The following PREX2 variants were observed in gnomAD, a reference collection of about 807,000 sequenced individuals.
PREX2 encodes phosphatidylinositol 3,4,5-trisphosphate-dependent Rac exchanger 2 protein.
PREX2 carries 107 observed loss-of-function variants against 203.2 expected under a neutral mutation model. That is an observed-to-expected ratio of 0.53 (90% CI 0.45 to 0.62). The LOEUF (loss-of-function observed/expected upper bound fraction) is 0.62, where lower values mean the gene tolerates loss of function less well. Ranked by LOEUF, PREX2 falls within the 20% of genes least tolerant of loss-of-function variation. PREX2 has a pLI of 0.00. For synonymous variants in PREX2, 672 were observed against 663.6 expected (o/e 1.01, Z -0.19); for missense variants, 1,777 against 1,955.9 (o/e 0.91, Z 1.72).
At chr8:68,211,101 T>C (rs1012821657) in intron 37 of PREX2, among the ~76,000 whole-genome samples, 1 of 152,184 alleles carries the variant, frequency 6.6e-6, no homozygotes, top group Non-Finnish European at 1.5e-5. Context: ...ATGCTTTTCC[T>C]GACCTTCCTT....
rs138880880 is a variant in PREX2, at chr8:68,171,826, G to A, written c.4346+14390G>A. 5.9e-5 allele frequency among the ~76,000 whole-genome samples: 9 copies of A among 152,338 alleles called. No individual in the cohort carries two copies. In the East Asian group the frequency reaches 1.7e-3, roughly 29 times the overall value. ...AGAGCAAGAACAAGAGAGAGAGAAAGAGAGAGGGAGAAAGAGAATATTAAT... is the reference window on the plus strand; with the variant it reads ...AGAGCAAGAACAAGAGAGAGAGAAAAAGAGAGGGAGAAAGAGAATATTAAT... On this transcript the variant is annotated intron_variant, in intron 35 of 39. Transcript: ENST00000288368.
At chr8:68,021,335 C>T (rs920982664) in intron 3 of PREX2, among the ~76,000 whole-genome samples, 2 of 152,188 alleles carry the variant, frequency 1.3e-5, no homozygotes, top group African/African-American at 4.8e-5. Context: ...CAGTCCTTTA[C>T]AACATAACGC....
At position 68,169,514 on chromosome 8, in the gene PREX2, A is replaced by G. The variant is rs541605057; in HGVS notation, c.4346+12078A>G. Among the ~76,000 whole-genome samples the G allele has an allele frequency of 9.9e-5, 15 of 152,218 alleles. No individual in the cohort carries two copies. The East Asian group carries it at 2.3e-3, about 24-fold the overall frequency. On this transcript the variant is annotated intron_variant, in intron 35 of 39. Coordinates refer to ENST00000288368, the MANE Select transcript of PREX2 (RefSeq NM_024870.4). The stretch of plus-strand genomic sequence containing the variant: ...TACTTAAAAGAAAAAGATAACCACA[A>G]TACCTACCAAATTTTAAGAACATAT...
At chr8:68,225,554 T>TA (rs1329667330) in intron 39 of PREX2, among the ~76,000 whole-genome samples, 1 of 152,226 alleles carries the variant, frequency 6.6e-6, no homozygotes, top group Non-Finnish European at 1.5e-5. Context: ...ACAGAGCAGT[T>TA]ACCAGAGTGG....
intron 37 of PREX2, among the ~76,000 whole-genome samples, chr8:68,199,510 C>A (rs564451005): frequency 6.6e-6 from 1 of 152,204 alleles, no homozygotes; most frequent in Non-Finnish European, 1.5e-5. Context: ...TGTCTTCTAA[C>A]TAGAACACAG....
rs889616489 is a variant in PREX2, at chr8:68,236,728, T to G, written c.*5350T>G. On this transcript the variant is annotated 3_prime_UTR_variant, in exon 40 of 40. Coordinates refer to ENST00000288368, the MANE Select transcript of PREX2 (RefSeq NM_024870.4). ...TTTACATAGTATTCATTATTTTAAA[T>G]GACAAAATATCAAATTGGTTCTATA... 5 of 152,178 alleles carry G rather than the reference T, an allele frequency of 3.3e-5. No homozygotes were observed. Among genetic ancestry groups the G allele is most frequent in the African/African-American group, 1.2e-4 (5 of 41,476 alleles). 9.4% of individuals were successfully genotyped at this position (152,178 alleles called of 1,614,324 possible).
chr8:68,132,111 A>T (rs1207082333), intron 31 of PREX2, among the ~76,000 whole-genome samples: 1 of 152,188 alleles, frequency 6.6e-6, no homozygotes, highest in East Asian at 1.9e-4. Flanking sequence ...TTAAATCCAG[A>T]TATTTCAAGA....
At chr8:67,975,263 A>G (rs1414413562) in intron 1 of PREX2, among the ~76,000 whole-genome samples, 1 of 135,048 alleles carries the variant, frequency 7.4e-6, no homozygotes, top group Non-Finnish European at 1.6e-5. Context: ...TGTTACCTGC[A>G]CACGGCCTGT....
intron 6 of PREX2, among the ~76,000 whole-genome samples, chr8:68,037,757 C>A (rs1031288843): frequency 6.6e-6 from 1 of 152,112 alleles, no homozygotes; most frequent in Non-Finnish European, 1.5e-5. Flanking sequence ...TAGACAATTT[C>A]ATGTACTTTG....
rs1196832669 is a variant in PREX2 at position 68,097,070 on chromosome 8, G to A, written c.2422G>A (p.Val808Met). 1.2e-6 allele frequency: 2 copies of A among 1,613,990 alleles called. No homozygotes were observed. The highest frequency in any genetic ancestry group is 2.2e-5 in the South Asian group (2 of 91,072). ...CATCATTGATGGGAAGAAGGAGCAT[G>A]TGAGTCTGACAGTGGACAATGTCCA... is the stretch of plus-strand genomic sequence containing the variant. Reference protein sequence around the residue: ...MAIIDGKKEHVSLTVDNVHLE... With the variant: ...MAIIDGKKEHMSLTVDNVHLE... Residue 808 changes from valine to methionine, a missense_variant, in exon 22 of 40, where the codon GTG becomes ATG. By Grantham distance (21) the Val-to-Met change is conservative. Coordinates refer to ENST00000288368, the MANE Select transcript of PREX2 (RefSeq NM_024870.4).
At chr8:68,105,327 C>T (rs1342008985) in intron 23 of PREX2, 1 of 1,367,538 alleles carries the variant, frequency 7.3e-7, no homozygotes, top group Admixed American at 1.9e-5. Flanking sequence ...CCTTCCTTCT[C>T]AAGAAATGCT....
intron 1 of PREX2, among the ~76,000 whole-genome samples, chr8:67,970,571 T>G (rs1805899374): frequency 6.6e-6 from 1 of 152,200 alleles, no homozygotes. Flanking sequence ...GCTGCTAGTT[T>G]GGGAAAATAT....
At chr8:67,999,105 A>C (rs973357164) in intron 1 of PREX2, among the ~76,000 whole-genome samples, 1 of 152,148 alleles carries the variant, frequency 6.6e-6, no homozygotes, top group Non-Finnish European at 1.5e-5. Context: ...TATTCACTTA[A>C]GATGCATGGA....
intron 39 of PREX2, among the ~76,000 whole-genome samples, chr8:68,228,383 G>A (rs1257632981): frequency 6.6e-6 from 1 of 152,114 alleles, no homozygotes; most frequent in Non-Finnish European, 1.5e-5. Context: ...TGCACTTTGG[G>A]AGGCTGAGGT....
At chr8:67,977,473 T>A (rs1164913277) in intron 1 of PREX2, among the ~76,000 whole-genome samples, 1 of 152,204 alleles carries the variant, frequency 6.6e-6, no homozygotes, top group African/African-American at 2.4e-5. Flanking sequence ...TTGTGATTTT[T>A]TTTCTTATAA....
intron 38 of PREX2, among the ~76,000 whole-genome samples, chr8:68,218,502 C>T (rs1255336194): frequency 6.6e-6 from 1 of 152,176 alleles, no homozygotes; most frequent in East Asian, 1.9e-4. Context: ...CTTTGGGCTA[C>T]CACAAGAAAT....
chr8:68,108,877 T>G, intron 24 of PREX2: 1 of 228,924 alleles, frequency 4.4e-6, no homozygotes, highest in Non-Finnish European at 8.9e-6. Flanking sequence ...TAAAAAGAAG[T>G]AAATCCTGTC....
intron 33 of PREX2, among the ~76,000 whole-genome samples, chr8:68,144,058 CT>C (rs1252416213): frequency 6.6e-6 from 1 of 152,154 alleles, no homozygotes; most frequent in African/African-American, 2.4e-5. Context: ...TTTGTCTGCT[CT>C]TTGGCCAATA....
chr8:68,062,820 T>C (rs1295448733), intron 11 of PREX2, among the ~76,000 whole-genome samples: 2 of 152,180 alleles, frequency 1.3e-5, no homozygotes, highest in Non-Finnish European at 2.9e-5. Flanking sequence ...CTTGTGTCTT[T>C]GTTTATTACC....
Sources: allele counts gnomAD v4.1 joint callset (sites outside exome capture counted in the v4.1 genomes callset), GRCh38; gene constraint gnomAD v4.1.1; transcripts MANE v1.5; gene names NCBI Gene and HGNC (gene_info 2026-07-23, HGNC 2026-07-21).